The following ANK2 variants were observed in gnomAD, a reference collection of about 807,000 sequenced individuals.
ANK2 encodes the protein ankyrin-2.
A neutral mutation model predicts 360.5 loss-of-function variants in ANK2; 83 were observed. That is an observed-to-expected ratio of 0.23 (90% CI 0.19 to 0.28). The LOEUF (loss-of-function observed/expected upper bound fraction) is 0.28, where lower values mean the gene tolerates loss of function less well. Ranked by LOEUF, ANK2 falls within the 10% of genes least tolerant of loss-of-function variation. The probability of loss-of-function intolerance (pLI) is 1.00; values close to 1 mark genes in which losing one functional copy is unlikely to be tolerated. For synonymous variants in ANK2, 1,740 were observed against 1,759.5 expected (o/e 0.99, Z 0.28); for missense variants, 4,201 against 4,795.7 (o/e 0.88, Z 3.66).
At chr4:113,232,387 C>G (rs72898064) in intron 5 of ANK2, 128 bp downstream of exon 5, 1 of 741,828 alleles carries the variant, frequency 1.3e-6, no homozygotes, top group Non-Finnish European at 2.3e-6. Context: ...CTATTATAAT[C>G]GCAACAGTGG....
At chr4:112,756,131 G>A in the ANK2 span, among the ~76,000 whole-genome samples, 140 of 151,584 alleles carry the variant, frequency 9.2e-4, no homozygotes, top group African/African-American at 3.3e-3. Flanking sequence ...CCCAGCTACT[G>A]GGGAGCTGAG....
In ANK2 at chr4:113,282,181, A is replaced by G. The variant is rs570095706; in HGVS notation, c.1882-494A>G. Among the ~76,000 whole-genome samples, 3 of 152,332 alleles carry G rather than the reference A, an allele frequency of 2.0e-5. No homozygotes were observed. In the South Asian group the frequency reaches 6.2e-4, roughly 32 times the overall value. On this transcript the variant is annotated intron_variant, in intron 17 of 45. Transcript: ENST00000357077. Reference sequence around the variant, plus strand: ...GTGAAGTGTAGCCTTGGTTCCAGATAGCACACACAATTCAAGAGCAATATT... The same window carrying G: ...GTGAAGTGTAGCCTTGGTTCCAGATGGCACACACAATTCAAGAGCAATATT...
chr4:113,149,874 C>CAAAAAAAAAAAAAAAAAAAAAAAAAAAA (rs34667216), intron 1 of ANK2, among the ~76,000 whole-genome samples: 11 of 31,406 alleles, frequency 3.5e-4, no homozygotes, highest in East Asian at 4.1e-3. Context: ...GACCCTGCCT[C>CAAAAAAAAAAAAAAAAAAAAAAAAAAAA]AAAAAAAAAA....
At position 113,318,563 on chromosome 4, in the gene ANK2, G is replaced by T. The variant is rs971456056; in HGVS notation, c.2843G>T (p.Ser948Ile). Residue 948 changes from serine (S) to isoleucine (I), a missense_variant, in exon 26 of 46, where the codon AGC (serine) becomes ATC (isoleucine). Coordinates refer to ENST00000357077, the MANE Select transcript of ANK2 (RefSeq NM_001148.6). ...GCAGAAAGGAATTCTTATCGCCTAA[G>T]CTGGGGCACTGAGAACTTAGACAAC... ...KEAERNSYRL[S>I]WGTENLDNVA... 1 of 1,613,708 alleles carries T rather than the reference G, an allele frequency of 6.2e-7. No individual in the cohort carries two copies. The highest frequency in any genetic ancestry group is 8.5e-7 in the Non-Finnish European group (1 of 1,179,838).
chr4:112,973,812 T>C (rs1052804456), intron 2 of ANK2, among the ~76,000 whole-genome samples: 1 of 152,200 alleles, frequency 6.6e-6, no homozygotes, highest in Non-Finnish European at 1.5e-5. Context: ...AAACATTTCA[T>C]GTGGGCCACT....
At chr4:112,973,043 G>A (rs915842913) in intron 2 of ANK2, among the ~76,000 whole-genome samples, 2 of 152,058 alleles carry the variant, frequency 1.3e-5, no homozygotes, top group African/African-American at 2.4e-5. Flanking sequence ...GGGAGCGAGG[G>A]ATAAAAGACT....
the ANK2 span, among the ~76,000 whole-genome samples, chr4:112,732,601 A>G: frequency 1.1e-4 from 17 of 152,214 alleles, no homozygotes; most frequent in East Asian, 3.9e-4. Flanking sequence ...ACTCTTTGCA[A>G]TGTTGCTACT....
chr4:113,262,155 T>A (rs1380094509), intron 13 of ANK2, among the ~76,000 whole-genome samples: 1 of 152,214 alleles, frequency 6.6e-6, no homozygotes, highest in Non-Finnish European at 1.5e-5. Context: ...ATTCTTATCA[T>A]CATTTCTACC....
intron 36 of ANK2, 58 bp from the exon 37 acceptor site, chr4:113,350,170 G>A (rs2095310796): frequency 1.3e-6 from 2 of 1,519,522 alleles, no homozygotes; most frequent in South Asian, 2.3e-5. Context: ...GTGCACACCA[G>A]GGGCTATGAG....
At position 113,357,734 on chromosome 4, in the gene ANK2, A is replaced by G. The variant is rs140539843; in HGVS notation, c.9116A>G (p.Asp3039Gly). 37 of 1,614,008 alleles carry G rather than the reference A, an allele frequency of 2.3e-5. No individual in the cohort carries two copies. Among genetic ancestry groups the G allele is most frequent in the Admixed American group, 1.2e-4 (7 of 60,008 alleles). ...AGCAAAGTCATCATCACAAAAACTG[A>G]TGTGGATTCTGATTCTTGGAGTGAA... is the stretch of plus-strand genomic sequence containing the variant. The part of the protein sequence containing the change: ...QISKVIITKT[D>G]VDSDSWSEIR... The change falls in exon 38 of 46, where the codon GAT (aspartate) becomes GGT (glycine). Residue 3039 changes from aspartate to glycine, a missense_variant. Around this residue, in one of 4 missense-constraint regions of ANK2, gnomAD observed 2,642 missense variants for 2,714.5 expected, o/e 0.97. Transcript: ENST00000357077.
chr4:113,232,693 T>TA (rs11442384), intron 5 of ANK2, among the ~76,000 whole-genome samples: 104,582 of 150,244 alleles, frequency 0.7, 36,564 homozygotes, highest in South Asian at 0.78. Flanking sequence ...GGAATGTCAT[T>TA]AAAAAAAAAC....
At chr4:112,996,585 A>G (rs1263061255) in intron 2 of ANK2, among the ~76,000 whole-genome samples, 1 of 151,808 alleles carries the variant, frequency 6.6e-6, no homozygotes, top group Non-Finnish European at 1.5e-5. Flanking sequence ...TTATTTACTG[A>G]TTCATTTTTG....
intron 7 of ANK2, among the ~76,000 whole-genome samples, chr4:113,239,200 G>T (rs2099406303): frequency 1.3e-5 from 2 of 152,024 alleles, no homozygotes; most frequent in African/African-American, 4.8e-5. Context: ...TCATAGATAG[G>T]GGATTTGGAT....
intron 1 of ANK2, chr4:113,072,056 C>T (rs1417251823): frequency 6.6e-6 from 1 of 152,142 alleles, no homozygotes; most frequent in Non-Finnish European, 1.5e-5. Context: ...TCCATCTGGT[C>T]CCTCCCACGA....
chr4:112,728,124 C>A, the ANK2 span, among the ~76,000 whole-genome samples: 1 of 151,300 alleles, frequency 6.6e-6, no homozygotes, highest in South Asian at 2.1e-4. Flanking sequence ...GAAACCCCGT[C>A]TCTACTAAAA....
At position 113,004,386 on chromosome 4, in the gene ANK2, G is replaced by T. The variant is rs528862411; in HGVS notation, c.21+99872G>T. 2.5e-3 allele frequency among the ~76,000 whole-genome samples: 374 copies of T among 151,342 alleles called. 1 individual carries two copies. Among genetic ancestry groups the T allele is most frequent in the Middle Eastern group, 0.017 (5 of 292 alleles). On this transcript the variant is annotated intron_variant, in intron 2 of 30. Transcript: ENST00000503271. ...TATTTTCTATTTAAAAATTTTTTTTGTTTTTAATTTTTTTTTCTTAAACAA... is the reference window on the plus strand; with the variant it reads ...TATTTTCTATTTAAAAATTTTTTTTTTTTTTAATTTTTTTTTCTTAAACAA...
intron 2 of ANK2, among the ~76,000 whole-genome samples, chr4:113,027,638 C>T (rs1015487293): frequency 2.6e-5 from 4 of 152,022 alleles, no homozygotes; most frequent in Non-Finnish European, 4.4e-5. Context: ...ACAGCCATTT[C>T]CTTTTATCCC....
At chr4:112,900,559 G>A (rs889205571) in intron 1 of ANK2, among the ~76,000 whole-genome samples, 1 of 152,142 alleles carries the variant, frequency 6.6e-6, no homozygotes, top group Non-Finnish European at 1.5e-5. Flanking sequence ...AGGGAGATAG[G>A]TTAAAATTTA....
chr4:112,732,154 G>A, the ANK2 span, among the ~76,000 whole-genome samples: 1 of 152,020 alleles, frequency 6.6e-6, no homozygotes, highest in Admixed American at 6.6e-5. Context: ...GCACACCACT[G>A]GGTGTATCAG....
Sources: allele counts gnomAD v4.1 joint callset (sites outside exome capture counted in the v4.1 genomes callset), GRCh38; gene constraint gnomAD v4.1.1; regional missense constraint gnomAD v4.1.1; transcripts MANE v1.5; gene names NCBI Gene and HGNC (gene_info 2026-07-23, HGNC 2026-07-21).